The following SMC1B variants were observed in gnomAD, a reference collection of about 807,000 sequenced individuals.
SMC1B encodes structural maintenance of chromosomes 1B.
SMC1B carries 60 observed loss-of-function variants against 157.9 expected under a neutral mutation model. The ratio of observed to expected loss-of-function variants is 0.38; its 90% CI spans 0.31 to 0.47. SMC1B has a LOEUF of 0.47. SMC1B is among the 20% of genes least tolerant of loss of function. The probability of loss-of-function intolerance (pLI) is 0.99; values close to 1 mark genes in which losing one functional copy is unlikely to be tolerated. For synonymous variants in SMC1B, 445 were observed against 483.0 expected (o/e 0.92, Z 1.03); for missense variants, 1,165 against 1,426.2 (o/e 0.82, Z 2.95).
intron 8 of SMC1B, 63 bp downstream of exon 8, chr22:45,394,622 G>A (rs141127705): frequency 5.6e-6 from 8 of 1,433,840 alleles, no homozygotes; most frequent in South Asian, 1.4e-5. Flanking sequence ...GGCGATGGGA[G>A]TGAGACCCTC....
intron 8 of SMC1B, 123 bp from the exon 9 acceptor site, chr22:45,393,964 G>A (rs1198761801): frequency 1.5e-6 from 1 of 649,712 alleles, no homozygotes; most frequent in East Asian, 2.8e-5. Context: ...TTTTTAAAGG[G>A]TAAAAAATGC....
At position 45,349,141 on chromosome 22, in the gene SMC1B, A is replaced by C. The variant is rs1569171700; in HGVS notation, c.3495+587T>G. 2.7e-5 allele frequency among the ~76,000 whole-genome samples: 4 copies of C among 150,848 alleles called. No individual in the cohort carries two copies. In the South Asian group the frequency reaches 6.3e-4, roughly 24 times the overall value. On this transcript the variant is annotated intron_variant, in intron 23 of 24. Transcript: ENST00000357450. ...CCGATTGTCATGCCTCAGCCTCCCA[A>C]GTAGCTGGGATTACAGGCACCCACC... is the stretch of plus-strand genomic sequence containing the variant.
rs755577782 is a variant in SMC1B at position 45,359,930 on chromosome 22, C to T, written c.2737G>A (p.Val913Ile). ...REVGKLQKEV[V>I]SIQTSLEQKR... ...TGTTCCAGAGAAGTTTGAATACTTA[C>T]AACTTCTTTTTGCAATTTCCCCACT... The change falls in exon 18 of 25, where the codon GTA becomes ATA. Residue 913 changes from valine to isoleucine, a missense_variant. Transcript: ENST00000357450. 1.2e-6 allele frequency: 2 copies of T among 1,613,754 alleles called. No homozygotes were observed. The highest frequency in any genetic ancestry group is 8.5e-7 in the Non-Finnish European group (1 of 1,179,806).
intron 1 of SMC1B, among the ~76,000 whole-genome samples, chr22:45,412,876 G>C (rs116947147): frequency 1.3e-5 from 2 of 152,170 alleles, no homozygotes; most frequent in Non-Finnish European, 2.9e-5. Flanking sequence ...TGGTGGTTCT[G>C]GCTGCTTGGA....
In SMC1B at chr22:45,371,439, T is replaced by G. The variant is rs759413560; in HGVS notation, c.2313+32A>C. 6.4e-6 allele frequency: 10 copies of G among 1,554,028 alleles called. No homozygotes were observed. In the South Asian group the frequency reaches 1.1e-4, roughly 18 times the overall value. On this transcript the variant is annotated intron_variant, in intron 14 of 24. Coordinates refer to ENST00000357450, the MANE Select transcript of SMC1B (RefSeq NM_148674.5). ...CTAGTATCTGGTCTAGAACTACATA[T>G]ACCATTTAGGAATAAATATAACATT...
At chr22:45,374,485 T>C (rs2086866391) in intron 12 of SMC1B, among the ~76,000 whole-genome samples, 1 of 152,212 alleles carries the variant, frequency 6.6e-6, no homozygotes, top group African/African-American at 2.4e-5. Flanking sequence ...AGAAATATTA[T>C]GTTTCAAAAA....
chr22:45,387,338 T>C (rs1419423832), intron 10 of SMC1B, among the ~76,000 whole-genome samples: 1 of 152,050 alleles, frequency 6.6e-6, no homozygotes, highest in Non-Finnish European at 1.5e-5. Flanking sequence ...TAATCCCAGC[T>C]ACTCAGGAGG....
At position 45,402,584 on chromosome 22, in the gene SMC1B, A is replaced by G. The variant is rs1241856581; in HGVS notation, c.616-13T>C. Reference sequence around the variant, plus strand: ...GGTAACGTTCTGCCTATAAAAGAGTATAATTCAACAGCAGTTAAAAGGGAG... The same window carrying G: ...GGTAACGTTCTGCCTATAAAAGAGTGTAATTCAACAGCAGTTAAAAGGGAG... On this transcript the variant is annotated splice_polypyrimidine_tract_variant and intron_variant, in intron 4 of 24. Transcript: ENST00000357450. 2.5e-6 allele frequency: 4 copies of G among 1,579,252 alleles called. No homozygotes were observed. Among genetic ancestry groups the G allele is most frequent in the African/African-American group, 1.4e-5 (1 of 74,034 alleles).
In SMC1B at chr22:45,413,487, G is replaced by A; in HGVS notation, c.81C>T (p.Phe27=). The A allele has an allele frequency of 6.2e-7, 1 of 1,610,244 alleles. No individual in the cohort carries two copies. The highest frequency in any genetic ancestry group is 1.3e-5 in the African/African-American group (1 of 75,002). The change falls in exon 1 of 25, where the codon TTC becomes TTT. Residue 27 remains phenylalanine (F), a synonymous_variant. Coordinates refer to ENST00000357450, the MANE Select transcript of SMC1B (RefSeq NM_148674.5). ...GRQVIGPFRR[F]TCIIGPNGSG... is the part of the protein sequence containing the mutation. ...AGCCGTTGGGGCCGATGATGCAGGTGAACCTCCGGAAGGGGCCAATGACCT... is the reference window on the plus strand; with the variant it reads ...AGCCGTTGGGGCCGATGATGCAGGTAAACCTCCGGAAGGGGCCAATGACCT...
chr22:45,393,321 G>C (rs2087083450), intron 9 of SMC1B, among the ~76,000 whole-genome samples: 1 of 152,156 alleles, frequency 6.6e-6, no homozygotes, highest in African/African-American at 2.4e-5. Context: ...ATGTGTCTGG[G>C]TGGCTCAGAG....
At chr22:45,353,909 A>C (rs1003790271) in intron 21 of SMC1B, 69 bp downstream of exon 21, 31 of 684,088 alleles carry the variant, frequency 4.5e-5, no homozygotes, top group Admixed American at 4.7e-5. Context: ...AAAAAAAAAA[A>C]AAAAAAAAAA....
chr22:45,406,354 T>C (rs571562123), intron 4 of SMC1B, 106 bp downstream of exon 4: 21 of 853,122 alleles, frequency 2.5e-5, no homozygotes, highest in East Asian at 1.8e-4. Flanking sequence ...AATTGTCTTA[T>C]ACTATTAAAT....
chr22:45,350,754 G>C (rs955065223), intron 22 of SMC1B, among the ~76,000 whole-genome samples: 1 of 152,076 alleles, frequency 6.6e-6, no homozygotes, highest in African/African-American at 2.4e-5. Context: ...TAGTTGATTA[G>C]GTCAAAACCC....
At chr22:45,365,687 CAG>C (rs2146785103) in intron 15 of SMC1B, among the ~76,000 whole-genome samples, 1 of 152,210 alleles carries the variant, frequency 6.6e-6, no homozygotes, top group South Asian at 2.1e-4. Context: ...CCTGGGTTGA[CAG>C]AGTGAGACCC....
chr22:45,389,597 C>G, intron 10 of SMC1B, 115 bp downstream of exon 10: 1 of 826,198 alleles, frequency 1.2e-6, no homozygotes, highest in South Asian at 1.8e-5. Flanking sequence ...GATTGCCTAA[C>G]TGGCATCCAA....
chr22:45,386,180 G>C (rs1384585034), intron 11 of SMC1B, among the ~76,000 whole-genome samples: 1 of 151,786 alleles, frequency 6.6e-6, no homozygotes, highest in Non-Finnish European at 1.5e-5. Flanking sequence ...TTACTAAGTA[G>C]CATCACTGGT....
At chr22:45,390,817 G>A (rs1028409495) in intron 9 of SMC1B, among the ~76,000 whole-genome samples, 1 of 152,122 alleles carries the variant, frequency 6.6e-6, no homozygotes, top group African/African-American at 2.4e-5. Flanking sequence ...ACTAGAAAAT[G>A]TTTGAATGTC....
intron 12 of SMC1B, among the ~76,000 whole-genome samples, chr22:45,376,498 G>C (rs1020371562): frequency 6.6e-6 from 1 of 152,062 alleles, no homozygotes; most frequent in East Asian, 1.9e-4. Context: ...ATGAACATGG[G>C]TGTATAAATC....
At chr22:45,409,609 T>TAAATAAAAAAA (rs1471181472) in intron 1 of SMC1B, among the ~76,000 whole-genome samples, 1 of 84,312 alleles carries the variant, frequency 1.2e-5, no homozygotes, top group South Asian at 3.4e-4. Context: ...AATAAATAAA[T>TAAATAAAAAAA]AAAAACAAGA....
Sources: allele counts gnomAD v4.1 joint callset (sites outside exome capture counted in the v4.1 genomes callset), GRCh38; gene constraint gnomAD v4.1.1; transcripts MANE v1.5; gene names NCBI Gene and HGNC (gene_info 2026-07-23, HGNC 2026-07-21).